PWWP2A: variants seen among roughly 807,000 people sequenced by gnomAD.
PWWP2A encodes the protein PWWP domain containing 2A, also known as PWWP domain-containing protein 2A.
PWWP2A carries 18 observed loss-of-function variants against 48.5 expected under a neutral mutation model. The ratio of observed to expected loss-of-function variants is 0.37; its 90% CI spans 0.26 to 0.55. The LOEUF (loss-of-function observed/expected upper bound fraction) is 0.55. Among genes scored for constraint, PWWP2A ranks in the 20% least tolerant of loss-of-function variants. The pLI is 0.81. For synonymous variants in PWWP2A, 396 were observed against 387.7 expected (o/e 1.02, Z -0.25); for missense variants, 867 against 976.4 (o/e 0.89, Z 1.49).
At chr5:160,103,606 A>C (rs1756532668) in intron 1 of PWWP2A, among the ~76,000 whole-genome samples, 1 of 152,098 alleles carries the variant, frequency 6.6e-6, no homozygotes, top group South Asian at 2.1e-4. Flanking sequence ...AATGGGACCT[A>C]GAAAGGCTCA....
Position 160,118,916 on chromosome 5 carries a change from G to T in PWWP2A, c.473C>A (p.Pro158Gln). The change falls in exon 1 of 2, where the codon CCG (proline) becomes CAG (glutamine). Residue 158 changes from proline (P) to glutamine (Q), a missense_variant. By Grantham distance (76) the Pro-to-Gln change is moderately conservative (BLOSUM62 -1). This residue lies in a region of PWWP2A where 385 missense variants were observed against 396.9 expected (regional missense o/e 0.97). Transcript: ENST00000307063. ...CAGCGTGACCCGCACCTCCGAGCCC[G>T]GGATCAGTTGCGACACCGTGGAGTC... Reference protein sequence around the residue: ...GGDSTVSQLIPGSEVRVTLDH... With the variant: ...GGDSTVSQLIQGSEVRVTLDH... The T allele has an allele frequency of 1.2e-6, 2 of 1,601,908 alleles. No individual in the cohort carries two copies. Among genetic ancestry groups the T allele is most frequent in the Non-Finnish European group, 1.7e-6 (2 of 1,175,220 alleles).
At chr5:160,049,758 T>C in the PWWP2A span, 1 of 1,128,184 alleles carries the variant, frequency 8.9e-7, no homozygotes, top group Non-Finnish European at 1.2e-6. Flanking sequence ...TTAAATTCCA[T>C]TTCTGTGCTT....
At chr5:160,118,701 C>T in intron 1 of PWWP2A, 104 bp downstream of exon 1, 1 of 1,184,748 alleles carries the variant, frequency 8.4e-7, no homozygotes, top group Non-Finnish European at 1.1e-6. Flanking sequence ...AGGGCGGGGC[C>T]CCGGGCAGCG....
In PWWP2A at chr5:160,084,867, T is replaced by C. The variant is rs138910083; in HGVS notation, c.1550-4097A>G. Among the ~76,000 whole-genome samples the C allele has an allele frequency of 7.6e-3, 1,148 of 152,020 alleles. 8 individuals carry two copies. The highest frequency in any genetic ancestry group is 0.013 in the Non-Finnish European group (902 of 67,982). ...TTACAAAAAATTTTTCCACAGGCAA[T>C]AAAAAAATTCTATCATATTTTACCT... On this transcript the variant is annotated intron_variant, in intron 2 of 3. Transcript: ENST00000456329.
chr5:160,113,682 G>A (rs73314952), intron 1 of PWWP2A, among the ~76,000 whole-genome samples: 1,948 of 152,250 alleles, frequency 0.013, 47 homozygotes, highest in African/African-American at 0.044. Flanking sequence ...TGGAGTCTCC[G>A]GAGCCAGGTT....
intron 1 of PWWP2A, among the ~76,000 whole-genome samples, chr5:160,116,537 G>T (rs1581296991): frequency 1.3e-5 from 2 of 152,114 alleles, no homozygotes; most frequent in East Asian, 3.8e-4. Flanking sequence ...TTCATATTAG[G>T]AATAGCTCCT....
chr5:160,096,466 G>C (rs1348843345), intron 1 of PWWP2A, among the ~76,000 whole-genome samples: 1 of 152,150 alleles, frequency 6.6e-6, no homozygotes, highest in African/African-American at 2.4e-5. Flanking sequence ...TGCTTCTTGT[G>C]TTTTAATGCA....
intron 2 of PWWP2A, among the ~76,000 whole-genome samples, chr5:160,086,325 C>A (rs1754635663): frequency 6.6e-6 from 1 of 151,748 alleles, no homozygotes; most frequent in Non-Finnish European, 1.5e-5. Context: ...TCAAGACCAG[C>A]CTGGGCAACA....
At chr5:160,118,348 C>A in intron 1 of PWWP2A, among the ~76,000 whole-genome samples, 1 of 152,166 alleles carries the variant, frequency 6.6e-6, no homozygotes, top group East Asian at 1.9e-4. Flanking sequence ...AATGTACACA[C>A]CCCTTTCTCC....
chr5:160,054,672 G>C, the PWWP2A span, among the ~76,000 whole-genome samples: 1 of 151,900 alleles, frequency 6.6e-6, no homozygotes, highest in African/African-American at 2.4e-5. Context: ...AAAAAAAGTA[G>C]CGTTTTATAT....
chr5:160,087,379 CA>C (rs527692100), downstream of PWWP2A, among the ~76,000 whole-genome samples: 1,029 of 90,488 alleles, frequency 0.011, 6 homozygotes, highest in African/African-American at 0.031. Flanking sequence ...GACCCTATCT[CA>C]AAAAAAAAAA....
At chr5:160,101,848 T>C (rs1756336873) in intron 1 of PWWP2A, among the ~76,000 whole-genome samples, 1 of 150,984 alleles carries the variant, frequency 6.6e-6, no homozygotes, top group African/African-American at 2.4e-5. Flanking sequence ...CTGGGGCTCA[T>C]GCCTGTAATC....
the PWWP2A span, among the ~76,000 whole-genome samples, chr5:160,053,580 T>G: frequency 1.3e-5 from 2 of 152,124 alleles, no homozygotes; most frequent in Non-Finnish European, 2.9e-5. Flanking sequence ...AAAAGAAAAT[T>G]ATAAAATCAG....
intron 5 of PWWP2A, chr5:160,063,409 C>G (rs1581133054): frequency 6.6e-6 from 1 of 152,478 alleles, no homozygotes; most frequent in Non-Finnish European, 1.5e-5. Flanking sequence ...GATACAGGGT[C>G]TCCCTATGTT....
At chr5:160,051,951 A>C in the PWWP2A span, among the ~76,000 whole-genome samples, 1 of 152,264 alleles carries the variant, frequency 6.6e-6, no homozygotes, top group Non-Finnish European at 1.5e-5. Flanking sequence ...AAAATCATTT[A>C]AAATAAATTG....
intron 5 of PWWP2A, among the ~76,000 whole-genome samples, chr5:160,062,930 GC>G (rs1753468701): frequency 6.6e-6 from 1 of 152,026 alleles, no homozygotes; most frequent in Non-Finnish European, 1.5e-5. Flanking sequence ...CTTGTTGTGA[GC>G]CCCTCCCTCT....
the PWWP2A span, among the ~76,000 whole-genome samples, chr5:160,051,619 T>C: frequency 6.6e-6 from 1 of 152,346 alleles, no homozygotes; most frequent in South Asian, 2.1e-4. Flanking sequence ...GTCCCTTTAG[T>C]GTTTGAGAAC....
chr5:160,087,795 CAAGGA>C (rs1288876716), downstream of PWWP2A, among the ~76,000 whole-genome samples: 1 of 152,102 alleles, frequency 6.6e-6, no homozygotes, highest in African/African-American at 2.4e-5. Flanking sequence ...ATACATGCCA[CAAGGA>C]AAGGAAAACA....
chr5:160,115,579 G>A (rs1383332104), intron 1 of PWWP2A, among the ~76,000 whole-genome samples: 2 of 152,000 alleles, frequency 1.3e-5, no homozygotes, highest in Non-Finnish European at 1.5e-5. Flanking sequence ...TGTAATCCCA[G>A]CTACTCGGGA....
Sources: allele counts gnomAD v4.1 joint callset (sites outside exome capture counted in the v4.1 genomes callset), GRCh38; gene constraint gnomAD v4.1.1; regional missense constraint gnomAD v4.1.1; transcripts MANE v1.5; gene names NCBI Gene and HGNC (gene_info 2026-07-23, HGNC 2026-07-21).